Variants in GLRX5 observed in about 807,000 individuals in gnomAD.
GLRX5 encodes the protein glutaredoxin 5.
In GLRX5, 10 loss-of-function variants were observed where a neutral mutation model predicts 13.8. The observed-to-expected ratio is 0.72, with a 90% CI of 0.45 to 1.23. The LOEUF is 1.23. Ranked by LOEUF, GLRX5 falls within the 50% of genes most tolerant of loss-of-function variation. GLRX5 has a pLI of 0.00. For missense variants in GLRX5, 233 were observed against 215.2 expected (o/e 1.08, Z -0.52); for synonymous variants, 98 against 101.1 (o/e 0.97, Z 0.18).
At chr14:95,542,962 T>C (rs1227859452) in intron 1 of GLRX5, 2 of 439,636 alleles carry the variant, frequency 4.5e-6, no homozygotes, top group South Asian at 3.1e-5. Context: ...TTTCTTACCA[T>C]TTTGTTACAG....
Position 95,543,866 on chromosome 14 carries a change from A to G in GLRX5, c.296-81A>G, listed in dbSNP as rs115533580. The G allele has an allele frequency of 6.5e-4, 796 of 1,226,140 alleles. 3 individuals carry two copies. In the African/African-American group the frequency reaches 0.011, roughly 16 times the overall value. The allele number at this position is 1,226,140 out of a possible 1,614,324, so 76.0% of individuals were successfully genotyped here. On this transcript the variant is annotated intron_variant, in intron 1 of 1. Coordinates refer to ENST00000331334, the MANE Select transcript of GLRX5 (RefSeq NM_016417.3). ...GAGGGACAGTGGGTTGTCTGCTACT[A>G]GTGGGTCAAAATTACATATTTAGTC...
chr14:95,543,358 C>G (rs1394341472), intron 1 of GLRX5: 1 of 326,042 alleles, frequency 3.1e-6, no homozygotes, highest in Admixed American at 4.1e-5. Context: ...AAAAAAAACT[C>G]AACAACTCAT....
rs1215012094 is a variant in GLRX5, at chr14:95,535,161, T to C, written c.72T>C (p.Leu24=). ...GGCGCGGCGCGGGCGGCGGTGGCCT[T>C]TGGGGTCCGGGCGTGCGGGCGGCGG... The part of the protein sequence containing the change: ...RWGRGAGGGG[L]WGPGVRAAGS... The change falls in exon 1 of 2, where the codon CTT becomes CTC. Residue 24 remains leucine, a synonymous_variant. Transcript: ENST00000331334. The C allele has an allele frequency of 2.9e-6, 4 of 1,401,148 alleles. No individual in the cohort carries two copies. The Admixed American group carries it at 1.1e-4, about 39-fold the overall frequency. 86.8% of individuals were successfully genotyped at this position (1,401,148 alleles called of 1,614,324 possible).
In GLRX5 at chr14:95,544,224, CA is replaced by C. The variant is rs1891521462; in HGVS notation, c.*101del. The C allele has an allele frequency of 2.2e-6, 2 of 902,468 alleles. No homozygotes were observed. Among genetic ancestry groups the C allele is most frequent in the South Asian group, 2.8e-5 (2 of 71,270 alleles). The allele number at this position is 902,468 out of a possible 1,614,324, so 55.9% of individuals were successfully genotyped here. ...ATTTTGGTTTTCACTATTGAGACCGCAACTGCTTGCACTGATCATTTTGGTT... is the reference window on the plus strand; with the variant it reads ...ATTTTGGTTTTCACTATTGAGACCGCACTGCTTGCACTGATCATTTTGGTT... On this transcript the variant is annotated 3_prime_UTR_variant, in exon 2 of 2. Transcript: ENST00000331334.
intron 1 of GLRX5, among the ~76,000 whole-genome samples, chr14:95,540,817 A>G (rs536333245): frequency 6.6e-5 from 10 of 152,380 alleles, no homozygotes; most frequent in African/African-American, 2.4e-4. Context: ...TAGTGTCCAA[A>G]TCAGGAGTAA....
intron 1 of GLRX5, chr14:95,543,222 CA>C (rs1172145032): frequency 2.2e-6 from 1 of 455,778 alleles, no homozygotes; most frequent in Non-Finnish European, 4.4e-6. Flanking sequence ...TCGGGTTCTG[CA>C]CAGAGCCTCA....
rs183901434 is a variant in GLRX5 at position 95,537,009 on chromosome 14, C to T, written c.295+1625C>T. 2.1e-3 allele frequency among the ~76,000 whole-genome samples: 313 copies of T among 152,296 alleles called. 4 individuals carry two copies. Among genetic ancestry groups the T allele is most frequent in the Admixed American group, 0.017 (266 of 15,294 alleles). ...TGCAAGGCAAGGGACCTGCAGTCTT[C>T]CTTCGAAGACAGCTTCTCTGCTTAA... On this transcript the variant is annotated intron_variant, in intron 1 of 1. Coordinates refer to ENST00000331334, the MANE Select transcript of GLRX5 (RefSeq NM_016417.3).
chr14:95,538,663 ATATATTCT>A (rs1371682380), intron 1 of GLRX5, among the ~76,000 whole-genome samples: 17 of 152,288 alleles, frequency 1.1e-4, no homozygotes, highest in African/African-American at 3.8e-4. Context: ...ACTCCTAGGT[ATATATTCT>A]AGAGAGGGGG....
Position 95,539,910 on chromosome 14 carries a change from T to A in GLRX5, c.296-4037T>A, listed in dbSNP as rs937743484. 2.0e-4 allele frequency among the ~76,000 whole-genome samples: 28 copies of A among 141,036 alleles called. 1 individual carries two copies. In the Middle Eastern group the frequency reaches 0.015, roughly 74 times the overall value. The allele number at this position is 141,036 out of a possible 152,430, so 92.5% of individuals were successfully genotyped here. ...ATATATATATATATTTTTTTTTTTTTGAGAGAGTGTTACTCTGCTGCCTAG... is the reference window on the plus strand; with the variant it reads ...ATATATATATATATTTTTTTTTTTTAGAGAGAGTGTTACTCTGCTGCCTAG... On this transcript the variant is annotated intron_variant, in intron 1 of 1. Transcript: ENST00000331334.
intron 1 of GLRX5, 117 bp from the exon 2 acceptor site, chr14:95,543,830 G>A: frequency 1.2e-6 from 1 of 861,994 alleles, no homozygotes; most frequent in East Asian, 2.5e-5. Flanking sequence ...TCAAGATTGG[G>A]GGAAGCCAGG....
chr14:95,537,416 G>A (rs1220662870), intron 1 of GLRX5, among the ~76,000 whole-genome samples: 2 of 152,180 alleles, frequency 1.3e-5, no homozygotes, highest in Admixed American at 6.5e-5. Flanking sequence ...TAATAAACGC[G>A]TTGCATATAT....
At chr14:95,543,341 T>TAAAAA (rs3071412) in intron 1 of GLRX5, 576 of 314,940 alleles carry the variant, frequency 1.8e-3, no homozygotes, top group South Asian at 4.1e-3. Context: ...TGTTAAAAAT[T>TAAAAA]AAAAAAAAAA....
intron 1 of GLRX5, 142 bp from the exon 2 acceptor site, chr14:95,543,805 G>T: frequency 4.1e-6 from 3 of 723,530 alleles, no homozygotes; most frequent in Non-Finnish European, 7.5e-6. Flanking sequence ...GCTCTTAGTG[G>T]CAAGCACAGT....
At chr14:95,543,193 A>C (rs1352167613) in intron 1 of GLRX5, 1 of 455,888 alleles carries the variant, frequency 2.2e-6, no homozygotes, top group Admixed American at 2.4e-5. Flanking sequence ...CTGGGCCTTC[A>C]TTAGACTCAC....
intron 1 of GLRX5, among the ~76,000 whole-genome samples, chr14:95,540,294 G>A (rs1202389440): frequency 6.6e-6 from 1 of 152,162 alleles, no homozygotes; most frequent in African/African-American, 2.4e-5. Flanking sequence ...TACTGTGAAG[G>A]GTGGGTGGTG....
At position 95,542,239 on chromosome 14, in the gene GLRX5, C is replaced by T. The variant is rs142196779; in HGVS notation, c.296-1708C>T. Among the ~76,000 whole-genome samples the T allele has an allele frequency of 8.5e-5, 13 of 152,336 alleles. No individual in the cohort carries two copies. In the East Asian group the frequency reaches 2.5e-3, roughly 29 times the overall value. Reference sequence around the variant, plus strand: ...ACCATGATGAACAACTTGAATTCATCAGGGTATTCTACTATGTCTAGATAT... The same window carrying T: ...ACCATGATGAACAACTTGAATTCATTAGGGTATTCTACTATGTCTAGATAT... On this transcript the variant is annotated intron_variant, in intron 1 of 1. Coordinates refer to ENST00000331334, the MANE Select transcript of GLRX5 (RefSeq NM_016417.3).
In GLRX5 at chr14:95,543,930, A is replaced by G; in HGVS notation, c.296-17A>G. 6.2e-7 allele frequency: 1 copy of G among 1,604,086 alleles called. No individual in the cohort carries two copies. The highest frequency in any genetic ancestry group is 8.5e-7 in the Non-Finnish European group (1 of 1,170,864). On this transcript the variant is annotated splice_polypyrimidine_tract_variant and intron_variant, in intron 1 of 1. Transcript: ENST00000331334. ...CTTTTACCATTTAAATAACAAATAA[A>G]TGTTCTTTCTCCATAGGCATTAAAG...
At chr14:95,543,406 TAGAC>T (rs1375067920) in intron 1 of GLRX5, 4 of 333,844 alleles carry the variant, frequency 1.2e-5, no homozygotes, top group African/African-American at 2.2e-5. Flanking sequence ...TGCACCAACT[TAGAC>T]AGTCACAGTC....
At chr14:95,541,639 T>C (rs1294323185) in intron 1 of GLRX5, among the ~76,000 whole-genome samples, 2 of 152,168 alleles carry the variant, frequency 1.3e-5, no homozygotes, top group Non-Finnish European at 2.9e-5. Flanking sequence ...ATAATTTTGG[T>C]GGTAAGGATT....
Sources: gnomAD v4.1 joint callset for allele counts (sites outside exome capture counted in the v4.1 genomes callset) on GRCh38, gnomAD v4.1.1 for gene constraint, MANE v1.5 for transcripts, NCBI Gene and HGNC (gene_info 2026-07-23, HGNC 2026-07-21) for gene names.